Variants in COG5 observed in about 807,000 individuals in gnomAD.
COG5 encodes component of oligomeric golgi complex 5.
Under a neutral mutation model 110.4 loss-of-function variants are expected in COG5, and 86 were observed. The ratio of observed to expected loss-of-function variants is 0.78; its 90% CI spans 0.65 to 0.93. The LOEUF is 0.93. Ranked by LOEUF, COG5 falls within the 40% of genes least tolerant of loss-of-function variation. The pLI is 0.00. For synonymous variants in COG5, 360 were observed against 334.6 expected (o/e 1.08, Z -0.83); for missense variants, 1,077 against 987.0 (o/e 1.09, Z -1.22).
At chr7:107,297,005 G>T (rs540319799) in intron 12 of COG5, among the ~76,000 whole-genome samples, 1 of 152,272 alleles carries the variant, frequency 6.6e-6, no homozygotes, top group South Asian at 2.1e-4. Context: ...CAATTTTGGA[G>T]GAAAAGCTGG....
At chr7:107,240,870 T>C (rs1469336297) in intron 17 of COG5, among the ~76,000 whole-genome samples, 1 of 152,198 alleles carries the variant, frequency 6.6e-6, no homozygotes. Context: ...CTGCTATATA[T>C]GAATAACTTT....
intron 6 of COG5, among the ~76,000 whole-genome samples, chr7:107,425,396 C>T (rs1452624446): frequency 6.6e-6 from 1 of 151,246 alleles, no homozygotes; most frequent in African/African-American, 2.4e-5. Context: ...TCCTACTCTC[C>T]TATGAAGAGT....
chr7:107,362,258 A>T (rs774341114), intron 9 of COG5, 50 bp downstream of exon 9: 1 of 1,480,536 alleles, frequency 6.8e-7, no homozygotes, highest in South Asian at 1.1e-5. Context: ...ATTTGGAATA[A>T]CCAGGAGTTA....
At chr7:107,437,277 CAA>C (rs1258707771) in intron 6 of COG5, among the ~76,000 whole-genome samples, 1 of 152,104 alleles carries the variant, frequency 6.6e-6, no homozygotes. Context: ...TACTCTACTC[CAA>C]AAATGGTGAA....
At chr7:107,387,295 C>A (rs1267986525) in intron 7 of COG5, among the ~76,000 whole-genome samples, 1 of 152,130 alleles carries the variant, frequency 6.6e-6, no homozygotes, top group African/African-American at 2.4e-5. Context: ...CCAGGCCAGG[C>A]ACGCCAGAGC....
chr7:107,295,092 TATATATATA>T (rs1202383401), intron 12 of COG5, among the ~76,000 whole-genome samples: 50 of 77,078 alleles, frequency 6.5e-4, no homozygotes, highest in African/African-American at 2.3e-3. Context: ...TATATATATA[TATATATATA>T]TTTTTTTTTT....
intron 6 of COG5, among the ~76,000 whole-genome samples, chr7:107,494,196 A>G (rs549793845): frequency 6.6e-6 from 1 of 152,310 alleles, no homozygotes; most frequent in Non-Finnish European, 1.5e-5. Flanking sequence ...AGTGATTTAA[A>G]TTTACAATGC....
chr7:107,318,240 A>C (rs1441152525), intron 11 of COG5, among the ~76,000 whole-genome samples: 1 of 152,002 alleles, frequency 6.6e-6, no homozygotes, highest in African/African-American at 2.4e-5. Flanking sequence ...GTTGGCCAGG[A>C]TGGTCTCAAT....
intron 6 of COG5, among the ~76,000 whole-genome samples, chr7:107,433,061 A>C (rs551419852): frequency 6.6e-6 from 1 of 152,364 alleles, no homozygotes; most frequent in Non-Finnish European, 1.5e-5. Flanking sequence ...AGAGGAAATT[A>C]AGAAAATAAT....
chr7:107,347,128 T>G (rs905566835), intron 10 of COG5, among the ~76,000 whole-genome samples: 1 of 152,192 alleles, frequency 6.6e-6, no homozygotes, highest in African/African-American at 2.4e-5. Flanking sequence ...TATAAATAAG[T>G]TGATTCACTC....
intron 14 of COG5, 133 bp downstream of exon 14, chr7:107,281,167 G>C: frequency 1.4e-6 from 1 of 701,562 alleles, no homozygotes; most frequent in South Asian, 1.9e-5. Context: ...TCATCAGGAA[G>C]TTACAAACTT....
intron 21 of COG5, chr7:107,207,938 G>A: frequency 1.0e-6 from 1 of 985,402 alleles, no homozygotes; most frequent in Non-Finnish European, 1.2e-6. Flanking sequence ...TATGCTGGGA[G>A]GAACAGAATG....
chr7:107,487,723 T>C (rs1187885385), intron 6 of COG5, among the ~76,000 whole-genome samples: 1 of 143,972 alleles, frequency 6.9e-6, no homozygotes, highest in Non-Finnish European at 1.5e-5. Flanking sequence ...TCTATACCAG[T>C]AAAAAAAAAA....
At chr7:107,379,156 A>C (rs559308525) in intron 7 of COG5, among the ~76,000 whole-genome samples, 119 of 152,240 alleles carry the variant, frequency 7.8e-4, no homozygotes, top group Non-Finnish European at 1.6e-3. Context: ...CCAGAATTTC[A>C]TATCCAGCCA....
intron 12 of COG5, among the ~76,000 whole-genome samples, chr7:107,297,548 A>T (rs1204202311): frequency 6.9e-6 from 1 of 145,502 alleles, no homozygotes; most frequent in Non-Finnish European, 1.5e-5. Context: ...TCCCGGGTTC[A>T]AGCGACTCTC....
chr7:107,554,780 C>T (rs1803180925), intron 2 of COG5, among the ~76,000 whole-genome samples: 1 of 152,068 alleles, frequency 6.6e-6, no homozygotes, highest in South Asian at 2.1e-4. Flanking sequence ...TCGGGCCTCT[C>T]CAATATGATA....
intron 1 of COG5, among the ~76,000 whole-genome samples, chr7:107,561,476 T>C (rs1245336837): frequency 1.3e-5 from 2 of 152,152 alleles, no homozygotes; most frequent in Non-Finnish European, 2.9e-5. Context: ...ACGGCACCCA[T>C]AAACCGCATG....
At chr7:107,542,081 G>A (rs986001209) in intron 5 of COG5, among the ~76,000 whole-genome samples, 3 of 152,054 alleles carry the variant, frequency 2.0e-5, no homozygotes, top group Non-Finnish European at 2.9e-5. Context: ...TGCTTTTGAA[G>A]GCAATATACA....
At chr7:107,529,761 C>G (rs887597502) in intron 5 of COG5, among the ~76,000 whole-genome samples, 2 of 152,190 alleles carry the variant, frequency 1.3e-5, no homozygotes, top group African/African-American at 4.8e-5. Context: ...TTTAAATAAA[C>G]TTCCACTCCT....
Sources: allele counts gnomAD v4.1 joint callset (sites outside exome capture counted in the v4.1 genomes callset), GRCh38; gene constraint gnomAD v4.1.1; transcripts MANE v1.5; gene names NCBI Gene and HGNC (gene_info 2026-07-23, HGNC 2026-07-21).